The following TANC1 variants were observed in gnomAD, a reference collection of about 807,000 sequenced individuals.
TANC1 encodes tetratricopeptide repeat, ankyrin repeat and coiled-coil containing 1, also known as protein TANC1.
TANC1 carries 77 observed loss-of-function variants against 149.7 expected under a neutral mutation model. The observed-to-expected ratio is 0.51, with a 90% CI of 0.43 to 0.62. TANC1 has a LOEUF of 0.62. TANC1 is among the 20% of genes least tolerant of loss of function. TANC1 has a pLI of 0.00. For synonymous variants in TANC1, 854 were observed against 925.0 expected (o/e 0.92, Z 1.39); for missense variants, 1,985 against 2,321.8 (o/e 0.85, Z 2.98).
At chr2:159,189,535 T>C (rs1385921181) in intron 16 of TANC1, among the ~76,000 whole-genome samples, 2 of 152,248 alleles carry the variant, frequency 1.3e-5, no homozygotes, top group Non-Finnish European at 2.9e-5. Context: ...GCTAAATGCT[T>C]AATGCACATA....
chr2:158,983,219 C>T (rs1214611325), intron 1 of TANC1, among the ~76,000 whole-genome samples: 2 of 152,048 alleles, frequency 1.3e-5, no homozygotes, highest in Admixed American at 1.3e-4. Context: ...GTAATCCCAG[C>T]ACTTTGGGAG....
intron 11 of TANC1, among the ~76,000 whole-genome samples, chr2:159,174,721 T>A (rs2055649423): frequency 6.6e-6 from 1 of 152,246 alleles, no homozygotes. Flanking sequence ...TAACTTGTGC[T>A]GATTTTTATG....
At chr2:159,040,595 G>A (rs897090066) in intron 2 of TANC1, among the ~76,000 whole-genome samples, 12 of 152,164 alleles carry the variant, frequency 7.9e-5, no homozygotes, top group African/African-American at 2.9e-4. Flanking sequence ...CTCGTGCCAT[G>A]ATTTTCAGCT....
chr2:159,046,241 G>T (rs558189987), intron 2 of TANC1, among the ~76,000 whole-genome samples: 8 of 152,106 alleles, frequency 5.3e-5, no homozygotes, highest in South Asian at 4.2e-4. Context: ...TTTAGACTGC[G>T]TCTCTCTTTT....
chr2:159,208,549 CCT>C (rs1284592337), intron 19 of TANC1, among the ~76,000 whole-genome samples: 4 of 152,306 alleles, frequency 2.6e-5, no homozygotes, highest in Admixed American at 6.5e-5. Flanking sequence ...CCTGTATTCA[CCT>C]CTGTTAGATA....
intron 3 of TANC1, among the ~76,000 whole-genome samples, chr2:159,088,290 T>C (rs1032969979): frequency 1.3e-5 from 2 of 152,224 alleles, no homozygotes; most frequent in Non-Finnish European, 2.9e-5. Context: ...TCTTAGGTTT[T>C]TAGAAAAATT....
At chr2:159,044,314 G>A (rs1221094980) in intron 2 of TANC1, among the ~76,000 whole-genome samples, 1 of 151,876 alleles carries the variant, frequency 6.6e-6, no homozygotes, top group African/African-American at 2.4e-5. Context: ...GCATGCACCT[G>A]TAGTCCCAAG....
chr2:159,117,701 CTTTTT>C lies in TANC1; in HGVS notation c.260-18467_260-18463del, dbSNP rs59509568. Among the ~76,000 whole-genome samples, 305 of 113,234 alleles carry C rather than the reference CTTTTT, an allele frequency of 2.7e-3. 3 individuals are homozygous for C. The highest frequency in any genetic ancestry group is 9.3e-3 in the African/African-American group (253 of 27,116). The allele number at this position is 113,234 out of a possible 152,430, so 74.3% of individuals were successfully genotyped here. A position where few individuals can be genotyped will look rare whatever the true frequency, so the allele number is the denominator to read the frequency against. ...GTGAGCCACCGTGCCCGGCCTATTC[CTTTTT>C]TTTTTTTTTTTTTTTTTTTTTTTTT... On this transcript the variant is annotated intron_variant, in intron 4 of 26. Coordinates refer to ENST00000263635, the MANE Select transcript of TANC1 (RefSeq NM_033394.3).
chr2:158,992,034 T>A (rs1237906950), intron 1 of TANC1, among the ~76,000 whole-genome samples: 1 of 152,100 alleles, frequency 6.6e-6, no homozygotes, highest in East Asian at 1.9e-4. Flanking sequence ...TGTTAAGTGA[T>A]GTTATGTAAA....
intron 2 of TANC1, among the ~76,000 whole-genome samples, chr2:159,027,484 C>T (rs753466703): frequency 6.6e-6 from 1 of 152,206 alleles, no homozygotes; most frequent in Non-Finnish European, 1.5e-5. Context: ...ATGGCCTTTA[C>T]TGTTCAAATT....
intron 1 of TANC1, among the ~76,000 whole-genome samples, chr2:158,997,270 G>C (rs1450488597): frequency 6.6e-6 from 1 of 152,188 alleles, no homozygotes; most frequent in Admixed American, 6.5e-5. Context: ...GATGGAGAGA[G>C]CCAAGTTTCC....
intron 2 of TANC1, among the ~76,000 whole-genome samples, chr2:159,032,509 T>C (rs1014293459): frequency 1.3e-5 from 2 of 150,910 alleles, no homozygotes; most frequent in Non-Finnish European, 3.0e-5. Flanking sequence ...TTTAAAATGC[T>C]TTTTTTTTGG....
chr2:159,054,742 A>C (rs2041722538), intron 2 of TANC1, among the ~76,000 whole-genome samples: 1 of 152,156 alleles, frequency 6.6e-6, no homozygotes, highest in Non-Finnish European at 1.5e-5. Flanking sequence ...AAATGTCCTC[A>C]AGGTCTCTTT....
intron 2 of TANC1, among the ~76,000 whole-genome samples, chr2:159,023,118 A>G (rs2038960352): frequency 6.6e-6 from 1 of 152,148 alleles, no homozygotes; most frequent in African/African-American, 2.4e-5. Flanking sequence ...AAGTGAAAGG[A>G]AGTCACAAAT....
rs34605981 is a variant in TANC1 at position 158,975,833 on chromosome 2, CT to C, written c.-126+7069del. On this transcript the variant is annotated intron_variant, in intron 1 of 26. Coordinates refer to ENST00000263635, the MANE Select transcript of TANC1 (RefSeq NM_033394.3). ...ATTTTCGTTATTGTTTCTTTCTTAT[CT>C]TTTTTTTTTTTTTTTTTAAGCTAGG... Among the ~76,000 whole-genome samples, 1,010 of 140,174 alleles carry C rather than the reference CT, an allele frequency of 7.2e-3. 3 individuals carry two copies. Among genetic ancestry groups the C allele is most frequent in the Admixed American group, 9.3e-3 (130 of 14,036 alleles). The allele number at this position is 140,174 out of a possible 152,430, so 92.0% of individuals were successfully genotyped here.
chr2:159,200,156 A>G (rs1473568373), intron 19 of TANC1, among the ~76,000 whole-genome samples: 1 of 152,232 alleles, frequency 6.6e-6, no homozygotes, highest in Non-Finnish European at 1.5e-5. Flanking sequence ...AAAAGTTTCC[A>G]TCACATTCCA....
At chr2:159,121,112 G>C (rs1163632252) in intron 4 of TANC1, among the ~76,000 whole-genome samples, 3 of 152,132 alleles carry the variant, frequency 2.0e-5, no homozygotes, top group Admixed American at 6.5e-5. Flanking sequence ...ATGTTTGCTG[G>C]AGTACTAGCT....
At chr2:159,164,726 G>A (rs2054398977) in intron 8 of TANC1, among the ~76,000 whole-genome samples, 3 of 152,188 alleles carry the variant, frequency 2.0e-5, no homozygotes, top group Non-Finnish European at 4.4e-5. Context: ...TTCAGGATGC[G>A]GTGGGTCACT....
In TANC1 at chr2:159,221,470, G is replaced by A. The variant is rs770385097; in HGVS notation, c.3678+1603G>A. 4.6e-5 allele frequency among the ~76,000 whole-genome samples: 7 copies of A among 152,110 alleles called. No individual in the cohort carries two copies. The East Asian group carries it at 5.8e-4, about 13-fold the overall frequency. ...ACTCCTCCTGTCTAACTGAATCTTC[G>A]TACCCTTTGACCGGTGCCTACCCTT... On this transcript the variant is annotated intron_variant, in intron 22 of 26. Transcript: ENST00000263635.
Sources: allele counts gnomAD v4.1 joint callset (sites outside exome capture counted in the v4.1 genomes callset), GRCh38; gene constraint gnomAD v4.1.1; transcripts MANE v1.5; gene names NCBI Gene and HGNC (gene_info 2026-07-23, HGNC 2026-07-21).